The following PCNT variants were observed in gnomAD, a reference collection of about 807,000 sequenced individuals.
PCNT encodes kendrin.
A neutral mutation model predicts 380.4 loss-of-function variants in PCNT; 319 were observed. The observed-to-expected ratio is 0.84, with a 90% CI of 0.77 to 0.92. PCNT has a LOEUF of 0.92. Among genes scored for constraint, PCNT ranks in the 40% least tolerant of loss-of-function variants. The pLI, the probability that PCNT is intolerant of heterozygous loss-of-function variation, is 0.00. For missense variants in PCNT, 4,400 were observed against 4,255.3 expected, an observed-to-expected ratio of 1.03 and a Z score of -0.95; for synonymous variants, 1,845 against 1,735.2, an observed-to-expected ratio of 1.06 and a Z score of -1.57.
chr21:46,353,874 C>A, intron 10 of PCNT, 113 bp from the exon 11 acceptor site: 1 of 903,212 alleles, frequency 1.1e-6, no homozygotes, highest in Non-Finnish European at 1.8e-6. Context: ...CCGTCCTTGA[C>A]TGGAAGCACG....
At chr21:46,417,260 C>T (rs1328627305) in intron 30 of PCNT, among the ~76,000 whole-genome samples, 1 of 126,102 alleles carries the variant, frequency 7.9e-6, no homozygotes, top group African/African-American at 2.9e-5. Flanking sequence ...GTGACGCAAT[C>T]TCGGCTCACT....
chr21:46,339,970 G>C (rs555932247), intron 3 of PCNT, among the ~76,000 whole-genome samples: 1 of 152,180 alleles, frequency 6.6e-6, no homozygotes, highest in Non-Finnish European at 1.5e-5. Context: ...TTAAGTTTTA[G>C]AGTTCTCTTG....
In PCNT at chr21:46,347,506, A is replaced by G. The variant is rs1425838520; in HGVS notation, c.1026A>G (p.Ile342Met). 13 of 1,613,956 alleles carry G rather than the reference A, an allele frequency of 8.1e-6. No individual in the cohort carries two copies. Among genetic ancestry groups the G allele is most frequent in the East Asian group, 2.2e-5 (1 of 44,882 alleles). ...CAGAAATGGAGAAAAACGCCCAGAT[A>G]GTAAAGGTACCCGGGATCGATTCTA... The part of the protein sequence containing the change: ...LQSEMEKNAQ[I>M]VKTLKEDWES... The change falls in exon 6 of 47, where the codon ATA becomes ATG. Residue 342 changes from isoleucine (I) to methionine (M), a missense_variant. By Grantham distance (10) the Ile-to-Met change is conservative. Coordinates refer to ENST00000359568, the MANE Select transcript of PCNT (RefSeq NM_006031.6).
intron 31 of PCNT, among the ~76,000 whole-genome samples, chr21:46,421,670 G>A (rs1370462634): frequency 6.6e-6 from 1 of 152,228 alleles, no homozygotes. Flanking sequence ...TGGAGTCTTT[G>A]GGGGCCACGT....
intron 3 of PCNT, among the ~76,000 whole-genome samples, chr21:46,336,046 G>A (rs1005982519): frequency 1.3e-5 from 2 of 151,780 alleles, no homozygotes; most frequent in East Asian, 1.9e-4. Flanking sequence ...GCGCGATCTC[G>A]GCTCACTGCA....
At chr21:46,390,593 G>T (rs1400112582) in intron 19 of PCNT, 77 bp from the exon 20 acceptor site, 6 of 1,503,358 alleles carry the variant, frequency 4.0e-6, no homozygotes, top group Non-Finnish European at 9.3e-7. Context: ...GGGGGTAGAA[G>T]TGGCGTTCTC....
chr21:46,339,593 G>C (rs1005780316), intron 3 of PCNT, among the ~76,000 whole-genome samples: 7 of 152,196 alleles, frequency 4.6e-5, no homozygotes, highest in African/African-American at 1.7e-4. Context: ...ATGGAGGCCA[G>C]AGGGCTAACC....
chr21:46,444,614 C>T (rs1295298102), intron 45 of PCNT, 80 bp from the exon 46 acceptor site: 3 of 1,514,238 alleles, frequency 2.0e-6, no homozygotes, highest in African/African-American at 1.4e-5. Flanking sequence ...CTTCTGCACT[C>T]AGTCACCATG....
rs1361950140 is a variant in PCNT at position 46,346,852 on chromosome 21, T to C, written c.830T>C (p.Leu277Ser). The C allele has an allele frequency of 6.2e-7, 1 of 1,608,614 alleles. No individual in the cohort carries two copies. The highest frequency in any genetic ancestry group is 1.7e-5 in the Admixed American group (1 of 59,226). Residue 277 changes from leucine to serine, a missense_variant, in exon 5 of 47, where the codon TTG (leucine) becomes TCG (serine). Physicochemically the swap from Leu to Ser is moderately radical, Grantham distance 145. Coordinates refer to ENST00000359568, the MANE Select transcript of PCNT (RefSeq NM_006031.6). Reference protein sequence around the residue: ...ANLQKEKETALTELREMLNSR... With the variant: ...ANLQKEKETASTELREMLNSR... ...CTCCAGAAGGAGAAGGAGACGGCAT[T>C]GACGGAGCTGCGGGAGATGCTCAAC...
At chr21:46,370,982 C>G (rs1197053646) in intron 15 of PCNT, among the ~76,000 whole-genome samples, 1 of 152,130 alleles carries the variant, frequency 6.6e-6, no homozygotes, top group African/African-American at 2.4e-5. Context: ...TTGTGGTGAG[C>G]TGAGATCGCG....
At position 46,355,610 on chromosome 21, in the gene PCNT, T is replaced by C. The variant is rs1193414739; in HGVS notation, c.1920T>C (p.Ser640=). The C allele has an allele frequency of 1.2e-6, 2 of 1,613,470 alleles. No homozygotes were observed. The highest frequency in any genetic ancestry group is 2.7e-5 in the African/African-American group (2 of 74,868). Residue 640 remains serine (S), a synonymous_variant, in exon 12 of 47, where the codon TCT becomes TCC. Transcript: ENST00000359568. ...GACACGAGTGGCGTCTGGAACCCTCTGAAGGGCACAGCCAAGGTGGGCCCC... is the reference window on the plus strand; with the variant it reads ...GACACGAGTGGCGTCTGGAACCCTCCGAAGGGCACAGCCAAGGTGGGCCCC... ...ALGHEWRLEP[S]EGHSQELPWV...
chr21:46,350,317 C>T (rs1033212644), intron 8 of PCNT, among the ~76,000 whole-genome samples: 6 of 152,136 alleles, frequency 3.9e-5, no homozygotes, highest in Admixed American at 2.0e-4. Flanking sequence ...TCTTTGCAGG[C>T]GTCCCTGAGA....
chr21:46,423,808 GA>G (rs2087369349), intron 32 of PCNT, among the ~76,000 whole-genome samples: 5 of 47,674 alleles, frequency 1.0e-4, no homozygotes, highest in East Asian at 7.0e-4. Context: ...AGAGAAGGGG[GA>G]GTGGGAGGGG....
At chr21:46,419,376 C>G (rs987576216) in intron 31 of PCNT, among the ~76,000 whole-genome samples, 1 of 152,204 alleles carries the variant, frequency 6.6e-6, no homozygotes, top group South Asian at 2.1e-4. Flanking sequence ...ATGCCACATT[C>G]AACTCTCAGA....
chr21:46,324,465 G>T (rs1450872102), intron 1 of PCNT, among the ~76,000 whole-genome samples, 183 bp downstream of exon 1: 1 of 151,420 alleles, frequency 6.6e-6, no homozygotes, highest in Non-Finnish European at 1.5e-5. Context: ...TGAATCCGCC[G>T]CTCTCCGCCA....
Position 46,425,865 on chromosome 21 carries a change from A to C in PCNT, c.7214A>C (p.Gln2405Pro). The C allele has an allele frequency of 6.2e-7, 1 of 1,613,800 alleles. No individual in the cohort carries two copies. Among genetic ancestry groups the C allele is most frequent in the South Asian group, 1.1e-5 (1 of 91,086 alleles). ...LLQMVRDESH[Q>P]ILALSEGLAP... is the part of the protein sequence containing the mutation. Reference sequence around the variant, plus strand: ...CAGATGGTGCGTGACGAGAGCCACCAGATCCTGGCGCTGTCAGAAGGCCTT... The same window carrying C: ...CAGATGGTGCGTGACGAGAGCCACCCGATCCTGGCGCTGTCAGAAGGCCTT... Residue 2405 changes from glutamine (Q) to proline (P), a missense_variant, in exon 33 of 47, where the codon CAG (glutamine) becomes CCG (proline). Transcript: ENST00000359568. The surrounding 1 kb of genome is among the most constrained non-coding windows in gnomAD (Gnocchi z 4.2).
chr21:46,356,830 A>T, intron 12 of PCNT, 144 bp from the exon 13 acceptor site: 3 of 701,612 alleles, frequency 4.3e-6, no homozygotes, highest in Non-Finnish European at 7.5e-6. Flanking sequence ...GCCTGCTTTC[A>T]TCACTGAGTC....
At chr21:46,424,949 G>A (rs868181818) in intron 32 of PCNT, among the ~76,000 whole-genome samples, 1 of 152,128 alleles carries the variant, frequency 6.6e-6, no homozygotes, top group Non-Finnish European at 1.5e-5. Context: ...TTGGCATATC[G>A]TTAAAATTAC....
In PCNT at chr21:46,412,917, C is replaced by T. The variant is rs778258668; in HGVS notation, c.6075C>T (p.Val2025=). 1.2e-6 allele frequency: 2 copies of T among 1,612,710 alleles called. No homozygotes were observed. Among genetic ancestry groups the T allele is most frequent in the Admixed American group, 1.7e-5 (1 of 60,028 alleles). The part of the protein sequence containing the change: ...KQEGVMSVLT[V]CQRQLQSELL... ...AAGGCGTGATGTCAGTGCTCACCGT[C>T]TGCCAGAGGCAGCTGCAGTCGGAGC... The change falls in exon 29 of 47, where the codon GTC becomes GTT. Residue 2025 remains valine, a synonymous_variant. Transcript: ENST00000359568.
Sources: gnomAD v4.1 joint callset for allele counts (sites outside exome capture counted in the v4.1 genomes callset) on GRCh38, gnomAD v4.1.1 for gene constraint, Gnocchi (gnomAD v3.1) non-coding constraint, MANE v1.5 for transcripts, NCBI Gene and HGNC (gene_info 2026-07-23, HGNC 2026-07-21) for gene names.